The following NEK1 variants were observed in gnomAD, a reference collection of about 807,000 sequenced individuals.
The protein encoded by NEK1 is NIMA related kinase 1, also known as serine/threonine-protein kinase Nek1.
In NEK1, 137 loss-of-function variants were observed where a neutral mutation model predicts 182.1. The observed-to-expected ratio is 0.75, with a 90% CI of 0.65 to 0.87. The LOEUF is 0.87. NEK1 is among the 40% of genes least tolerant of loss of function. NEK1 has a pLI of 0.00. For missense variants in NEK1, 1,391 were observed against 1,494.4 expected, an observed-to-expected ratio of 0.93 and a Z score of 1.14; for synonymous variants, 513 against 492.2, an observed-to-expected ratio of 1.04 and a Z score of -0.56.
chr4:169,501,204 C>T (rs979759088), intron 23 of NEK1, among the ~76,000 whole-genome samples: 2 of 152,158 alleles, frequency 1.3e-5, no homozygotes, highest in Non-Finnish European at 2.9e-5. Context: ...GAGGATTTAA[C>T]TATCCTAAAT....
intron 29 of NEK1, among the ~76,000 whole-genome samples, chr4:169,428,639 T>C (rs1736865765): frequency 6.6e-6 from 1 of 152,006 alleles, no homozygotes; most frequent in South Asian, 2.1e-4. Context: ...TGGAACTATA[T>C]AGTGGTGATG....
At chr4:169,596,329 G>C (rs1267188157) in intron 5 of NEK1, among the ~76,000 whole-genome samples, 2 of 152,088 alleles carry the variant, frequency 1.3e-5, no homozygotes, top group Non-Finnish European at 2.9e-5. Flanking sequence ...CATTCTTGCT[G>C]CACCTAACTA....
Position 169,438,135 on chromosome 4 carries a change from C to A in NEK1, c.2712G>T (p.Glu904Asp). The A allele has an allele frequency of 6.2e-7, 1 of 1,611,986 alleles. No homozygotes were observed. The highest frequency in any genetic ancestry group is 8.5e-7 in the Non-Finnish European group (1 of 1,179,046). The change falls in exon 28 of 36, where the codon GAG becomes GAT. Residue 904 changes from glutamate (E) to aspartate (D), a missense_variant. Around this residue, in one of 5 missense-constraint regions of NEK1, gnomAD observed 1,216 missense variants for 1,277.6 expected, o/e 0.95. Coordinates refer to ENST00000507142, the MANE Select transcript of NEK1 (RefSeq NM_001199397.3). ...ACATCTGTGGAGATGCCTCACTGAA[C>A]TCGGGACTTTTTGTCTCAACAGGAG... is the stretch of plus-strand genomic sequence containing the variant. ...VDSPVETKSPEFSEASPQMSL... is the reference protein window; with the variant it reads ...VDSPVETKSPDFSEASPQMSL...
intron 31 of NEK1, among the ~76,000 whole-genome samples, chr4:169,415,127 A>C (rs1734325123): frequency 6.6e-6 from 1 of 152,274 alleles, no homozygotes; most frequent in South Asian, 2.1e-4. Context: ...TTTCAAAGAC[A>C]AACAGCTAAT....
At chr4:169,437,226 T>C (rs1220299261) in intron 28 of NEK1, among the ~76,000 whole-genome samples, 1 of 151,510 alleles carries the variant, frequency 6.6e-6, no homozygotes, top group East Asian at 1.9e-4. Context: ...ATAACTAATT[T>C]TTTTTTTTAC....
At chr4:169,455,541 A>C (rs982751734) in intron 27 of NEK1, among the ~76,000 whole-genome samples, 6 of 152,218 alleles carry the variant, frequency 3.9e-5, no homozygotes, top group Non-Finnish European at 8.8e-5. Context: ...TATAATTATA[A>C]AATGGTCAAT....
In NEK1 at chr4:169,528,084, A is replaced by T. The variant is rs1266830205; in HGVS notation, c.1665+9725T>A. 2.0e-5 allele frequency among the ~76,000 whole-genome samples: 3 copies of T among 152,180 alleles called. No individual in the cohort carries two copies. The East Asian group carries it at 5.8e-4, about 29-fold the overall frequency. The stretch of plus-strand genomic sequence containing the variant: ...CAAAAAATTACCAAGGATATGCCTT[A>T]CTGACTATAAGATGGCCTCCATGAT... On this transcript the variant is annotated intron_variant, in intron 19 of 35. Transcript: ENST00000507142.
At position 169,562,154 on chromosome 4, in the gene NEK1, T is replaced by C. The variant is rs35763578; in HGVS notation, c.1063A>G (p.Arg355Gly). The C allele has an allele frequency of 2.6e-5, 40 of 1,546,600 alleles. No individual in the cohort carries two copies. In the South Asian group the frequency reaches 2.8e-4, roughly 11 times the overall value. The change falls in exon 13 of 36, where the codon AGG becomes GGG. Residue 355 changes from arginine to glycine, a missense_variant. Physicochemically the swap from Arg to Gly is moderately radical, Grantham distance 125. This residue lies in a region of NEK1 where 1,216 missense variants were observed against 1,277.6 expected (regional missense o/e 0.95). Transcript: ENST00000507142. ...PEKRVNTGEERRKISEEAARK... is the reference protein window; with the variant it reads ...PEKRVNTGEEGRKISEEAARK... ...CTTTATACCTCAGATATTTTCCTCC[T>C]TTCTTCTCCAGTATTCACTCTCTTC...
intron 19 of NEK1, among the ~76,000 whole-genome samples, chr4:169,522,110 C>T (rs370270054): frequency 2.0e-5 from 3 of 152,276 alleles, no homozygotes; most frequent in South Asian, 4.1e-4. Flanking sequence ...GGTATGTCTT[C>T]AAGTTCATTG....
At chr4:169,436,800 T>A (rs768995504) in intron 28 of NEK1, among the ~76,000 whole-genome samples, 6 of 152,242 alleles carry the variant, frequency 3.9e-5, no homozygotes, top group Non-Finnish European at 7.3e-5. Flanking sequence ...TTTAAAGGCA[T>A]GTCTTGCAGA....
chr4:169,474,233 C>T (rs1405470635), intron 26 of NEK1, among the ~76,000 whole-genome samples: 4 of 152,064 alleles, frequency 2.6e-5, no homozygotes, highest in African/African-American at 4.8e-5. Context: ...GAGCAGGCAA[C>T]GCATAAACCA....
chr4:169,427,789 T>C (rs1736659530), intron 29 of NEK1, among the ~76,000 whole-genome samples: 1 of 151,806 alleles, frequency 6.6e-6, no homozygotes, highest in Non-Finnish European at 1.5e-5. Flanking sequence ...AGCCACCATG[T>C]CCAGCCTCTG....
At chr4:169,521,759 C>T (rs1312278454) in intron 19 of NEK1, among the ~76,000 whole-genome samples, 1 of 152,172 alleles carries the variant, frequency 6.6e-6, no homozygotes, top group African/African-American at 2.4e-5. Flanking sequence ...TGTACCACTT[C>T]CTTCTAAACT....
intron 11 of NEK1, among the ~76,000 whole-genome samples, chr4:169,580,013 G>A (rs558715833): frequency 6.6e-6 from 1 of 151,800 alleles, no homozygotes; most frequent in Non-Finnish European, 1.5e-5. Context: ...TTCTATTCAG[G>A]AAAAAAATAA....
intron 23 of NEK1, among the ~76,000 whole-genome samples, chr4:169,481,440 C>T (rs1036143691): frequency 6.6e-6 from 1 of 152,124 alleles, no homozygotes; most frequent in African/African-American, 2.4e-5. Context: ...AATAAGAAGA[C>T]CTGAAAGTCA....
chr4:169,401,993 G>A (rs547421856), intron 32 of NEK1, 133 bp from the exon 33 acceptor site: 1 of 644,718 alleles, frequency 1.6e-6, no homozygotes, highest in African/African-American at 1.8e-5. Context: ...CCTAATAGTA[G>A]ATAACAAAAA....
At chr4:169,546,566 T>C (rs893138886) in intron 18 of NEK1, among the ~76,000 whole-genome samples, 2 of 152,088 alleles carry the variant, frequency 1.3e-5, no homozygotes, top group South Asian at 4.1e-4. Context: ...TGATCTAATA[T>C]TGACAGTGGG....
intron 18 of NEK1, among the ~76,000 whole-genome samples, chr4:169,546,333 A>G (rs1760442404): frequency 6.6e-6 from 1 of 152,152 alleles, no homozygotes; most frequent in Non-Finnish European, 1.5e-5. Context: ...ATTTGACTGC[A>G]CTGTGGTCTG....
chr4:169,472,560 G>A (rs1203633291), intron 26 of NEK1, among the ~76,000 whole-genome samples: 2 of 152,196 alleles, frequency 1.3e-5, no homozygotes, highest in East Asian at 1.9e-4. Flanking sequence ...GGGAACTGCA[G>A]ACCAGAGCTG....
Sources: gnomAD v4.1 joint callset for allele counts (sites outside exome capture counted in the v4.1 genomes callset) on GRCh38, gnomAD v4.1.1 for gene constraint, gnomAD v4.1.1 regional missense constraint, MANE v1.5 for transcripts, NCBI Gene and HGNC (gene_info 2026-07-23, HGNC 2026-07-21) for gene names.